The following ZFAND3 variants were observed in gnomAD, a reference collection of about 807,000 sequenced individuals.
ZFAND3 encodes zinc finger AN1-type containing 3.
ZFAND3 carries 10 observed loss-of-function variants against 29.6 expected under a neutral mutation model. The ratio of observed to expected loss-of-function variants is 0.34; its 90% CI spans 0.21 to 0.57. ZFAND3 has a LOEUF of 0.57. Among genes scored for constraint, ZFAND3 ranks in the 20% least tolerant of loss-of-function variants. The probability of loss-of-function intolerance (pLI) is 0.86; values close to 1 mark genes in which losing one functional copy is unlikely to be tolerated. For missense variants in ZFAND3, 230 were observed against 304.5 expected (o/e 0.76, Z 1.82); for synonymous variants, 128 against 112.6 (o/e 1.14, Z -0.87).
chr6:38,091,601 G>T (rs561186891), intron 4 of ZFAND3, among the ~76,000 whole-genome samples: 1 of 147,500 alleles, frequency 6.8e-6, no homozygotes, highest in Admixed American at 6.9e-5. Flanking sequence ...CCTTCCCAAA[G>T]CAGTCTTACC....
At chr6:37,836,562 G>C (rs1390522717) in intron 1 of ZFAND3, among the ~76,000 whole-genome samples, 1 of 152,158 alleles carries the variant, frequency 6.6e-6, no homozygotes, top group East Asian at 1.9e-4. Context: ...AGAAGAACTT[G>C]AGTAATGCTT....
intron 4 of ZFAND3, among the ~76,000 whole-genome samples, chr6:38,111,266 A>G (rs1765310324): frequency 6.6e-6 from 1 of 152,234 alleles, no homozygotes; most frequent in Non-Finnish European, 1.5e-5. Flanking sequence ...TGTGGATTCA[A>G]CCAACCATAG....
intron 1 of ZFAND3, chr6:37,832,824 A>C (rs1444334737): frequency 2.0e-5 from 3 of 152,072 alleles, no homozygotes; most frequent in African/African-American, 7.3e-5. Flanking sequence ...CTACAGGTGC[A>C]TGCCACCACA....
intron 1 of ZFAND3, among the ~76,000 whole-genome samples, chr6:37,897,945 C>CA (rs1309974472): frequency 3.3e-5 from 5 of 152,182 alleles, no homozygotes; most frequent in African/African-American, 1.2e-4. Context: ...TACCCACACA[C>CA]ACACCCCATG....
At chr6:37,854,581 G>GTGT (rs1341317802) in intron 1 of ZFAND3, among the ~76,000 whole-genome samples, 2 of 152,104 alleles carry the variant, frequency 1.3e-5, no homozygotes, top group African/African-American at 4.8e-5. Flanking sequence ...TGTTCTAAGA[G>GTGT]TGTTATGTGT....
At chr6:38,087,808 A>G (rs1289289474) in intron 4 of ZFAND3, among the ~76,000 whole-genome samples, 1 of 152,220 alleles carries the variant, frequency 6.6e-6, no homozygotes, top group East Asian at 1.9e-4. Context: ...GGGCTCCCAT[A>G]TGATCCAGCC....
At chr6:37,943,695 C>T (rs756491844) in intron 2 of ZFAND3, among the ~76,000 whole-genome samples, 4 of 152,078 alleles carry the variant, frequency 2.6e-5, no homozygotes, top group South Asian at 2.1e-4. Context: ...TCTAGAAGTG[C>T]GAATCCCATT....
intron 4 of ZFAND3, among the ~76,000 whole-genome samples, chr6:38,084,093 G>A (rs1277218288): frequency 6.6e-5 from 10 of 152,054 alleles, no homozygotes; most frequent in African/African-American, 1.9e-4. Context: ...ACTTGGACAC[G>A]GATCTTTAAG....
In ZFAND3 at chr6:38,152,921, G is replaced by A. The variant is rs1323753973; in HGVS notation, c.*532G>A. The A allele has an allele frequency of 3.0e-6, 3 of 985,812 alleles. No homozygotes were observed. The highest frequency in any genetic ancestry group is 3.6e-6 in the Non-Finnish European group (3 of 829,986). The allele number at this position is 985,812 out of a possible 1,614,324, so 61.1% of individuals were successfully genotyped here. On this transcript the variant is annotated 3_prime_UTR_variant, in exon 6 of 6. Coordinates refer to ENST00000287218, the MANE Select transcript of ZFAND3 (RefSeq NM_021943.3). ...GAGATTGGCCACGTGGCTGGGCTGG[G>A]TGGTGGCCTCACTCTCCCACAGAGC...
At position 38,144,095 on chromosome 6, in the gene ZFAND3, G is replaced by A. The variant is rs140695675; in HGVS notation, c.530-8140G>A. 8.1e-3 allele frequency among the ~76,000 whole-genome samples: 1,201 copies of A among 149,066 alleles called. 8 individuals carry two copies. Among genetic ancestry groups the A allele is most frequent in the Non-Finnish European group, 0.014 (960 of 67,638 alleles). On this transcript the variant is annotated intron_variant, in intron 5 of 5. Coordinates refer to ENST00000287218, the MANE Select transcript of ZFAND3 (RefSeq NM_021943.3). ...CTTGTAACCACCTGCTGTTCCCAAC[G>A]TGTACTTACATATGAGCTATGAGGT...
At chr6:38,126,612 A>G (rs1765639636) in intron 5 of ZFAND3, among the ~76,000 whole-genome samples, 1 of 152,194 alleles carries the variant, frequency 6.6e-6, no homozygotes, top group Non-Finnish European at 1.5e-5. Flanking sequence ...GTAGTATCTC[A>G]TTATGGTATA....
chr6:37,967,627 T>C lies in ZFAND3; in HGVS notation c.112+37628T>C, dbSNP rs62396967. On this transcript the variant is annotated intron_variant, in intron 2 of 5. Transcript: ENST00000287218. ...TATATTGAAAATTGTGAATTAATAC[T>C]GATAACTCCAGTTCCAACTCAATAC... 8.6e-3 allele frequency among the ~76,000 whole-genome samples: 1,307 copies of C among 152,360 alleles called. 12 individuals are homozygous for C. Among genetic ancestry groups the C allele is most frequent in the Non-Finnish European group, 0.01 (693 of 68,022 alleles).
intron 4 of ZFAND3, among the ~76,000 whole-genome samples, chr6:38,110,572 G>T (rs1765295575): frequency 6.6e-6 from 1 of 152,084 alleles, no homozygotes; most frequent in Non-Finnish European, 1.5e-5. Flanking sequence ...ATGTGTGAGG[G>T]TTCGTTAATT....
chr6:37,911,183 C>T (rs1014997468), intron 1 of ZFAND3, among the ~76,000 whole-genome samples: 30 of 152,142 alleles, frequency 2.0e-4, no homozygotes, highest in African/African-American at 7.0e-4. Flanking sequence ...CCCCCACGTC[C>T]TTGCCAACAC....
At chr6:38,029,243 C>G (rs548082675) in intron 2 of ZFAND3, among the ~76,000 whole-genome samples, 1 of 152,144 alleles carries the variant, frequency 6.6e-6, no homozygotes, top group Admixed American at 6.6e-5. Context: ...TATCTACAAA[C>G]GAGTACGGGT....
At chr6:37,862,099 G>T (rs541568064) in intron 1 of ZFAND3, among the ~76,000 whole-genome samples, 4 of 148,896 alleles carry the variant, frequency 2.7e-5, no homozygotes, top group Non-Finnish European at 5.9e-5. Flanking sequence ...GTTATGTTTT[G>T]ATTTCTGTTT....
intron 2 of ZFAND3, among the ~76,000 whole-genome samples, chr6:37,943,510 G>A (rs1443779197): frequency 6.6e-6 from 1 of 152,124 alleles, no homozygotes; most frequent in Non-Finnish European, 1.5e-5. Context: ...TCCAGTAGCT[G>A]TTAATTTCCA....
intron 4 of ZFAND3, among the ~76,000 whole-genome samples, chr6:38,095,633 C>T (rs1764963243): frequency 1.3e-5 from 2 of 152,146 alleles, no homozygotes; most frequent in South Asian, 4.1e-4. Context: ...AAATACACCC[C>T]CAAGTTAGTG....
intron 2 of ZFAND3, among the ~76,000 whole-genome samples, chr6:37,934,560 G>A (rs1186659803): frequency 1.4e-5 from 2 of 147,186 alleles, no homozygotes; most frequent in Non-Finnish European, 3.0e-5. Context: ...GTCCAGACCC[G>A]GTGGCTCACG....
Sources: gnomAD v4.1 joint callset for allele counts (sites outside exome capture counted in the v4.1 genomes callset) on GRCh38, gnomAD v4.1.1 for gene constraint, MANE v1.5 for transcripts, NCBI Gene and HGNC (gene_info 2026-07-23, HGNC 2026-07-21) for gene names.